Variants in SMYD3 observed in about 807,000 individuals in gnomAD.
SMYD3 encodes the protein histone-lysine N-methyltransferase SMYD3.
Under a neutral mutation model 57.7 loss-of-function variants are expected in SMYD3, and 36 were observed. That is an observed-to-expected ratio of 0.62 (90% confidence interval 0.48 to 0.82). SMYD3 has a LOEUF of 0.82. Among genes scored for constraint, SMYD3 ranks in the 40% least tolerant of loss-of-function variants. SMYD3 has a pLI of 0.00. For synonymous variants in SMYD3, 211 were observed against 195.0 expected (o/e 1.08, Z -0.68); for missense variants, 515 against 538.8 (o/e 0.96, Z 0.44).
chr1:246,220,088 G>A (rs1471834388), intron 5 of SMYD3, among the ~76,000 whole-genome samples: 2 of 152,046 alleles, frequency 1.3e-5, no homozygotes, highest in African/African-American at 4.8e-5. Flanking sequence ...ATATCTAAAC[G>A]CAATTTTTTG....
chr1:245,845,034 T>C lies in SMYD3; in HGVS notation c.1076+13462A>G, dbSNP rs553395669. Among the ~76,000 whole-genome samples the C allele has an allele frequency of 9.2e-4, 140 of 152,370 alleles. 1 individual carries two copies. In the South Asian group the frequency reaches 0.028, roughly 30 times the overall value. ...TTCCGTGTACCCCTACTCACTTTGA[T>C]GCCAAATGCTTCTGATTAAGGAATT... On this transcript the variant is annotated intron_variant, in intron 10 of 11. Transcript: ENST00000490107.
intron 5 of SMYD3, chr1:246,108,694 G>T (rs1408099142): frequency 6.6e-6 from 1 of 152,152 alleles, no homozygotes; most frequent in Non-Finnish European, 1.5e-5. Context: ...ACCTCCTGTA[G>T]TTCCTGTTGT....
At chr1:246,073,096 T>C (rs1454872340) in intron 5 of SMYD3, among the ~76,000 whole-genome samples, 2 of 152,212 alleles carry the variant, frequency 1.3e-5, no homozygotes, top group African/African-American at 2.4e-5. Context: ...ATGCATACAA[T>C]TTCCAACCAT....
intron 10 of SMYD3, among the ~76,000 whole-genome samples, chr1:245,843,834 G>T (rs1490412733): frequency 2.6e-5 from 4 of 152,176 alleles, no homozygotes; most frequent in Admixed American, 2.6e-4. Context: ...GACTAAAGAA[G>T]TTTTGGAGGA....
chr1:246,310,393 G>A (rs1413606859), intron 5 of SMYD3, among the ~76,000 whole-genome samples: 2 of 152,182 alleles, frequency 1.3e-5, no homozygotes, highest in Non-Finnish European at 2.9e-5. Flanking sequence ...TCCCATTAGT[G>A]ATGAAATGGC....
intron 5 of SMYD3, among the ~76,000 whole-genome samples, chr1:245,985,813 A>G (rs1442323467): frequency 6.6e-6 from 1 of 152,112 alleles, no homozygotes; most frequent in Non-Finnish European, 1.5e-5. Context: ...AAATCCCTGC[A>G]CCAACATGTT....
At chr1:246,418,495 T>C (rs1365968165) in intron 1 of SMYD3, among the ~76,000 whole-genome samples, 1 of 152,216 alleles carries the variant, frequency 6.6e-6, no homozygotes, top group African/African-American at 2.4e-5. Context: ...TCTAGCCGTC[T>C]GTAGGCAGCT....
At chr1:246,022,454 A>G (rs922862241) in intron 5 of SMYD3, among the ~76,000 whole-genome samples, 6 of 152,200 alleles carry the variant, frequency 3.9e-5, no homozygotes, top group African/African-American at 9.6e-5. Context: ...TGACTTTGAC[A>G]CACACTAACA....
intron 8 of SMYD3, among the ~76,000 whole-genome samples, chr1:245,903,206 G>A (rs1019056135): frequency 4.6e-5 from 7 of 151,982 alleles, no homozygotes; most frequent in Non-Finnish European, 8.8e-5. Flanking sequence ...AAATATAATC[G>A]AGAAGCTTCA....
At chr1:246,014,808 C>T (rs1038528005) in intron 5 of SMYD3, among the ~76,000 whole-genome samples, 2 of 152,036 alleles carry the variant, frequency 1.3e-5, no homozygotes, top group South Asian at 4.2e-4. Context: ...CTCTGGCCTT[C>T]CACTTTACCC....
intron 1 of SMYD3, among the ~76,000 whole-genome samples, chr1:246,419,629 T>G (rs1335900943): frequency 6.6e-6 from 1 of 152,102 alleles, no homozygotes; most frequent in Non-Finnish European, 1.5e-5. Context: ...TTCCTCATCA[T>G]TTAAAGGGAC....
At chr1:245,820,884 T>C (rs370919269) in intron 10 of SMYD3, among the ~76,000 whole-genome samples, 1 of 150,930 alleles carries the variant, frequency 6.6e-6, no homozygotes, top group African/African-American at 2.4e-5. Context: ...CACTGCTCAA[T>C]GAAATAAAAG....
chr1:245,921,593 C>T (rs2055965183), intron 7 of SMYD3, among the ~76,000 whole-genome samples: 2 of 136,266 alleles, frequency 1.5e-5, no homozygotes, highest in Non-Finnish European at 3.1e-5. Context: ...GAATAGTATG[C>T]AGCCATAAAA....
chr1:245,989,392 G>A (rs892864771), intron 5 of SMYD3, among the ~76,000 whole-genome samples: 2 of 152,084 alleles, frequency 1.3e-5, no homozygotes, highest in Non-Finnish European at 2.9e-5. Flanking sequence ...CTTCACCTAT[G>A]TTTAGGCTGT....
At chr1:245,831,463 C>G (rs1418240488) in intron 10 of SMYD3, among the ~76,000 whole-genome samples, 1 of 152,206 alleles carries the variant, frequency 6.6e-6, no homozygotes, top group East Asian at 1.9e-4. Flanking sequence ...TGCTATTCTG[C>G]CACAGCAGGG....
At chr1:246,317,236 C>G (rs147896162) in intron 5 of SMYD3, among the ~76,000 whole-genome samples, 1 of 152,294 alleles carries the variant, frequency 6.6e-6, no homozygotes, top group East Asian at 1.9e-4. Context: ...TGTGTGTGTA[C>G]TGTGCTCAGA....
At chr1:246,244,547 A>G (rs2063671136) in intron 5 of SMYD3, among the ~76,000 whole-genome samples, 1 of 152,206 alleles carries the variant, frequency 6.6e-6, no homozygotes, top group African/African-American at 2.4e-5. Flanking sequence ...TAATGGCAAA[A>G]TAGCTTTGAA....
At chr1:246,287,717 C>T (rs192834156) in intron 5 of SMYD3, among the ~76,000 whole-genome samples, 44 of 152,234 alleles carry the variant, frequency 2.9e-4, no homozygotes, top group African/African-American at 7.7e-4. Context: ...CATCTGCCTA[C>T]GGGATATTCA....
chr1:246,312,598 G>T (rs748838717), intron 5 of SMYD3, among the ~76,000 whole-genome samples: 1 of 152,142 alleles, frequency 6.6e-6, no homozygotes, highest in Non-Finnish European at 1.5e-5. Flanking sequence ...ATGCTGTGCG[G>T]AAGAAAAGGC....
Sources: allele counts gnomAD v4.1 joint callset (sites outside exome capture counted in the v4.1 genomes callset), GRCh38; gene constraint gnomAD v4.1.1; transcripts MANE v1.5; gene names NCBI Gene and HGNC (gene_info 2026-07-23, HGNC 2026-07-21).